The following RNF13 variants were observed in gnomAD, a reference collection of about 807,000 sequenced individuals.
RNF13 encodes ring finger protein 13, also known as E3 ubiquitin-protein ligase RNF13.
RNF13 carries 19 observed loss-of-function variants against 37.7 expected under a neutral mutation model. The observed-to-expected ratio is 0.50, with a 90% CI of 0.35 to 0.74. RNF13 has a LOEUF of 0.74. Among genes scored for constraint, RNF13 ranks in the 30% least tolerant of loss-of-function variants. RNF13 has a pLI of 0.01. For missense variants in RNF13, 375 were observed against 453.0 expected, an observed-to-expected ratio of 0.83 and a Z score of 1.56; for synonymous variants, 144 against 157.8, an observed-to-expected ratio of 0.91 and a Z score of 0.65.
intron 1 of RNF13, among the ~76,000 whole-genome samples, chr3:149,822,945 G>A (rs1452566532): frequency 2.0e-5 from 3 of 151,990 alleles, no homozygotes; most frequent in Non-Finnish European, 2.9e-5. Context: ...GTTTTTTCTT[G>A]AAGTTTCCAA....
chr3:149,949,781 G>T (rs1721136369), intron 8 of RNF13, among the ~76,000 whole-genome samples: 1 of 142,424 alleles, frequency 7.0e-6, no homozygotes, highest in African/African-American at 2.6e-5. Context: ...TTCTTTTTTG[G>T]GGATTTATCC....
chr3:149,827,718 G>A (rs1720646614), intron 1 of RNF13, among the ~76,000 whole-genome samples: 1 of 152,168 alleles, frequency 6.6e-6, no homozygotes, highest in South Asian at 2.1e-4. Flanking sequence ...GAAGAGTGAG[G>A]CATGATAGGT....
intron 8 of RNF13, chr3:149,939,468 A>G: frequency 1.8e-6 from 1 of 563,502 alleles, no homozygotes. Context: ...GCTGTCCACT[A>G]ATATGCACTG....
At chr3:149,921,301 T>A (rs963895532) in intron 8 of RNF13, 74 bp downstream of exon 8, 46 of 468,808 alleles carry the variant, frequency 9.8e-5, no homozygotes, top group African/African-American at 2.3e-4. Flanking sequence ...TTTAAAAAAA[T>A]TTTTATTATT....
At chr3:149,822,210 A>G (rs1720049529) in intron 1 of RNF13, among the ~76,000 whole-genome samples, 1 of 152,166 alleles carries the variant, frequency 6.6e-6, no homozygotes, top group South Asian at 2.1e-4. Context: ...TAGGTAATAT[A>G]TTGAATCTGT....
chr3:149,924,239 G>C (rs1296742745), intron 8 of RNF13, among the ~76,000 whole-genome samples: 1 of 152,116 alleles, frequency 6.6e-6, no homozygotes, highest in East Asian at 1.9e-4. Context: ...GCAGGTTTTA[G>C]GAGGGAAATT....
chr3:149,833,354 G>A (rs1721268524), intron 1 of RNF13, among the ~76,000 whole-genome samples: 1 of 151,982 alleles, frequency 6.6e-6, no homozygotes, highest in Admixed American at 6.6e-5. Flanking sequence ...TCTTATGACT[G>A]CTGATGTAAA....
At chr3:149,879,707 T>C (rs1412364282) in intron 4 of RNF13, among the ~76,000 whole-genome samples, 2 of 152,232 alleles carry the variant, frequency 1.3e-5, no homozygotes, top group African/African-American at 4.8e-5. Context: ...TAATTTTACA[T>C]TGATTTCAAA....
intron 8 of RNF13, among the ~76,000 whole-genome samples, chr3:149,944,370 C>G (rs923336534): frequency 7.2e-5 from 11 of 152,150 alleles, no homozygotes; most frequent in African/African-American, 2.4e-4. Context: ...ATTTCTAGTT[C>G]TAGATCCTTG....
intron 3 of RNF13, among the ~76,000 whole-genome samples, chr3:149,866,640 G>A (rs1458595938): frequency 6.6e-6 from 1 of 152,202 alleles, no homozygotes; most frequent in East Asian, 1.9e-4. Context: ...TCAAGATGGA[G>A]TTGATCTGGT....
At chr3:149,898,247 G>C (rs1364153086) in intron 5 of RNF13, among the ~76,000 whole-genome samples, 2 of 152,172 alleles carry the variant, frequency 1.3e-5, no homozygotes, top group Non-Finnish European at 2.9e-5. Flanking sequence ...AGTCCAGACT[G>C]TGCAAATATC....
chr3:149,954,381 A>T (rs540414100), intron 8 of RNF13, among the ~76,000 whole-genome samples: 1 of 152,222 alleles, frequency 6.6e-6, no homozygotes, highest in South Asian at 2.1e-4. Context: ...AGGGGACTCT[A>T]TAACATTTGT....
In RNF13 at chr3:149,874,907, A is replaced by G. The variant is rs184841806; in HGVS notation, c.321+2753A>G. 4.6e-5 allele frequency among the ~76,000 whole-genome samples: 7 copies of G among 152,242 alleles called. No homozygotes were observed. The East Asian group carries it at 1.2e-3, about 25-fold the overall frequency. On this transcript the variant is annotated intron_variant, in intron 4 of 9. Transcript: ENST00000392894. ...GTTAGCCTTATTAGCTGTAATTTTC[A>G]TATCAGAAATCTCTGACTGCATTTA...
chr3:149,819,107 A>G (rs1481732049), intron 1 of RNF13, among the ~76,000 whole-genome samples: 1 of 152,164 alleles, frequency 6.6e-6, no homozygotes, highest in Non-Finnish European at 1.5e-5. Flanking sequence ...CCTGTAAATG[A>G]AGTAGTTGGA....
Position 149,829,951 on chromosome 3 carries a change from TCTC to T in RNF13, c.-16-16057_-16-16055del, listed in dbSNP as rs543406759. Among the ~76,000 whole-genome samples, 6 of 151,762 alleles carry T rather than the reference TCTC, an allele frequency of 4.0e-5. No homozygotes were observed. The East Asian group carries it at 9.7e-4, about 24-fold the overall frequency. On this transcript the variant is annotated intron_variant, in intron 1 of 9. Coordinates refer to ENST00000392894, the MANE Select transcript of RNF13 (RefSeq NM_183381.3). ...ACTGATGGTTTTATAAAAGGGAAGT[TCTC>T]CTGCACATGCTCTCTTGCTTGCTGC...
At chr3:149,822,743 A>G (rs997808407) in intron 1 of RNF13, among the ~76,000 whole-genome samples, 13 of 152,130 alleles carry the variant, frequency 8.5e-5, no homozygotes, top group Admixed American at 3.9e-4. Context: ...TTTGGAGAGA[A>G]GTGTCAATAC....
intron 8 of RNF13, among the ~76,000 whole-genome samples, 178 bp downstream of exon 8, chr3:149,921,405 A>C (rs973674568): frequency 6.6e-6 from 1 of 151,962 alleles, no homozygotes; most frequent in Non-Finnish European, 1.5e-5. Context: ...GCACCCATCA[A>C]CTCGTCATTT....
chr3:149,939,643 C>T lies in RNF13; in HGVS notation c.700+18416C>T, dbSNP rs1020285338. On this transcript the variant is annotated intron_variant, in intron 8 of 9. Coordinates refer to ENST00000392894, the MANE Select transcript of RNF13 (RefSeq NM_183381.3). ...AACAATATGCAATTTATCCTTTGCTCCAGTCCCTGAAATCACCGTTCTTAA... is the reference window on the plus strand; with the variant it reads ...AACAATATGCAATTTATCCTTTGCTTCAGTCCCTGAAATCACCGTTCTTAA... 3 of 653,674 alleles carry T rather than the reference C, an allele frequency of 4.6e-6. No individual in the cohort carries two copies. The African/African-American group carries it at 5.3e-5, about 12-fold the overall frequency. The allele number at this position is 653,674 out of a possible 1,614,324, so 40.5% of individuals were successfully genotyped here. A position where few individuals can be genotyped will look rare whatever the true frequency, so the allele number is the denominator to read the frequency against.
chr3:149,872,225 C>A, intron 4 of RNF13, 71 bp downstream of exon 4: 2 of 966,808 alleles, frequency 2.1e-6, no homozygotes, highest in South Asian at 2.1e-5. Context: ...TTACATCCTC[C>A]CTTGTTTCAG....
Sources: gnomAD v4.1 joint callset for allele counts (sites outside exome capture counted in the v4.1 genomes callset) on GRCh38, gnomAD v4.1.1 for gene constraint, MANE v1.5 for transcripts, NCBI Gene and HGNC (gene_info 2026-07-23, HGNC 2026-07-21) for gene names.